BTNL2: variants seen among roughly 807,000 people sequenced by gnomAD.
BTNL2 encodes the protein butyrophilin like 2.
BTNL2 carries 46 observed loss-of-function variants against 46.8 expected under a neutral mutation model. The observed-to-expected ratio is 0.98, with a 90% CI of 0.78 to 1.26. The LOEUF (loss-of-function observed/expected upper bound fraction) is 1.26, where lower values mean the gene tolerates loss of function less well. BTNL2 is among the 50% of genes most tolerant of loss of function. BTNL2 has a pLI of 0.00. For synonymous variants in BTNL2, 226 were observed against 229.1 expected, an observed-to-expected ratio of 0.99 and a Z score of 0.12; for missense variants, 461 against 592.6, an observed-to-expected ratio of 0.78 and a Z score of 2.31.
intron 1 of BTNL2, 31 bp downstream of exon 1, chr6:32,407,014 A>G: frequency 6.2e-7 from 1 of 1,600,858 alleles, no homozygotes; most frequent in East Asian, 2.2e-5. Context: ...GGGACATTAG[A>G]CTATACAGTA....
In BTNL2 at chr6:32,400,008, G is replaced by A. The variant is rs2294879; in HGVS notation, c.730+1777C>T. Among the ~76,000 whole-genome samples, 1,055 of 152,208 alleles carry A rather than the reference G, an allele frequency of 6.9e-3. 71 individuals carry two copies. The East Asian group carries it at 0.15, about 22-fold the overall frequency. ...CATGACTTAGGAACAACAGGACATG[G>A]GGTCGTATTGTGTGTGCTGGGTCTC... On this transcript the variant is annotated intron_variant, in intron 4 of 7. Coordinates refer to ENST00000454136, the MANE Select transcript of BTNL2 (RefSeq NM_001304561.2).
At chr6:32,397,923 GGA>G (rs1433115696) in intron 4 of BTNL2, among the ~76,000 whole-genome samples, 3 of 152,196 alleles carry the variant, frequency 2.0e-5, no homozygotes, top group African/African-American at 7.2e-5. Flanking sequence ...CCACATAGGT[GGA>G]GTTATAGACA....
chr6:32,400,685 G>A (rs3129956), intron 4 of BTNL2, among the ~76,000 whole-genome samples: 9,369 of 148,390 alleles, frequency 0.063, 482 homozygotes, highest in Non-Finnish European at 0.11. Context: ...CAAGGCCGGC[G>A]GATCATGAGG....
chr6:32,401,207 C>CAAAAAAAAAAAAAAAAAAAAAAAAAAAA (rs9279632), intron 4 of BTNL2, among the ~76,000 whole-genome samples: 2 of 38,918 alleles, frequency 5.1e-5, no homozygotes, highest in Non-Finnish European at 7.9e-5. Flanking sequence ...GACTCCGTCT[C>CAAAAAAAAAAAAAAAAAAAAAAAAAAAA]AAAAAAAAAA....
Position 32,394,203 on chromosome 6 carries a change from G to T in BTNL2, c.1361-146C>A. The T allele has an allele frequency of 8.4e-7, 1 of 1,184,880 alleles. No individual in the cohort carries two copies. The allele number at this position is 1,184,880 out of a possible 1,614,324, so 73.4% of individuals were successfully genotyped here. On this transcript the variant is annotated intron_variant, in intron 6 of 7. Coordinates refer to ENST00000454136, the MANE Select transcript of BTNL2 (RefSeq NM_001304561.2). The surrounding 1 kb of genome is among the most constrained non-coding windows in gnomAD (Gnocchi z 4.6). Reference sequence around the variant, plus strand: ...CAGTTGGCCTGCTCCTCCCTGCTCTGGAGATGCAGAGGAGAGAATGCAAGT... The same window carrying T: ...CAGTTGGCCTGCTCCTCCCTGCTCTTGAGATGCAGAGGAGAGAATGCAAGT...
At position 32,394,744 on chromosome 6, in the gene BTNL2, C is replaced by A. The variant is rs28362675; in HGVS notation, c.1360G>T (p.Glu454Ter). Residue 454 changes from glutamate to a stop codon, truncating the protein, a stop_gained and splice_region_variant, in exon 6 of 8, where the codon GAG becomes TAG. Coordinates refer to ENST00000454136, the MANE Select transcript of BTNL2 (RefSeq NM_001304561.2). LOFTEE classifies it low-confidence loss of function (END_TRUNC). The surrounding 1 kb of genome is among the most constrained non-coding windows in gnomAD (Gnocchi z 4.6). The stretch of plus-strand genomic sequence containing the variant: ...TGAAGGAACATAAGGAATCACCAAC[C>A]TGAGAGAGAAAAAGTTGCGATTTTC... ...EEKIATFSLSESRMTFLWKTL... is the reference protein window; with the variant it reads ...EEKIATFSLS 24,279 of 1,610,994 alleles carry A rather than the reference C, an allele frequency of 0.015. 1,121 individuals are homozygous for A. The East Asian group carries it at 0.16, about 10-fold the overall frequency.
chr6:32,396,308 G>T lies in BTNL2; in HGVS notation c.809C>A (p.Ser270Tyr). ...CATGCTCTGTGCATTCGCCTTGGGGGACAGGTAACAGGTTAGCTGTATATC... is the reference window on the plus strand; with the variant it reads ...CATGCTCTGTGCATTCGCCTTGGGGTACAGGTAACAGGTTAGCTGTATATC... ...GEDIQLTCYL[S>Y]PKANAQSMEV... The change falls in exon 5 of 8, where the codon TCC (serine) becomes TAC (tyrosine). Residue 270 changes from serine to tyrosine, a missense_variant. By Grantham distance (144) the Ser-to-Tyr change is moderately radical. Coordinates refer to ENST00000454136, the MANE Select transcript of BTNL2 (RefSeq NM_001304561.2). This position sits in a 1 kb window ranked among gnomAD's most constrained non-coding sequence, Gnocchi z 4.4. 2.5e-6 allele frequency: 4 copies of T among 1,612,878 alleles called. No individual in the cohort carries two copies. Among genetic ancestry groups the T allele is most frequent in the Non-Finnish European group, 3.4e-6 (4 of 1,179,842 alleles).
rs554112033 is a variant in BTNL2, at chr6:32,394,849, C to T, written c.1255G>A (p.Val419Met). 1.9e-5 allele frequency: 30 copies of T among 1,614,220 alleles called. 1 individual carries two copies. Among genetic ancestry groups the T allele is most frequent in the Admixed American group, 1.3e-4 (8 of 60,028 alleles). ...LTQGSHGLFH[V>M]QTLLRVTNIS... ...TTTGTGACCCTTAGCAATGTCTGCA[C>T]GTGGAACAGCCCGTGGCTGCCTTGA... Residue 419 changes from valine (V) to methionine (M), a missense_variant, in exon 6 of 8, where the codon GTG (valine) becomes ATG (methionine). By Grantham distance (21) the Val-to-Met change is conservative (BLOSUM62 1). Transcript: ENST00000454136. The surrounding 1 kb of genome is among the most constrained non-coding windows in gnomAD (Gnocchi z 4.6).
intron 3 of BTNL2, among the ~76,000 whole-genome samples, chr6:32,402,091 CAT>C (rs1344316111): frequency 5.2e-4 from 79 of 152,128 alleles, no homozygotes; most frequent in African/African-American, 1.8e-3. Context: ...ATGAAAATAA[CAT>C]ATGTTCCTTT....
At chr6:32,405,833 G>GT (rs917551191) in intron 1 of BTNL2, among the ~76,000 whole-genome samples, 14 of 117,844 alleles carry the variant, frequency 1.2e-4, no homozygotes, top group Non-Finnish European at 2.0e-4. Flanking sequence ...TTTTTTGTTT[G>GT]TTTTTTTCCC....
At chr6:32,395,338 A>C (rs1209316066) in intron 5 of BTNL2, among the ~76,000 whole-genome samples, 2 of 152,250 alleles carry the variant, frequency 1.3e-5, no homozygotes, top group Non-Finnish European at 2.9e-5. Context: ...GGACAGGATT[A>C]ACATACGGAG....
intron 4 of BTNL2, among the ~76,000 whole-genome samples, chr6:32,401,100 T>C (rs1264030110): frequency 7.6e-5 from 11 of 143,864 alleles, no homozygotes; most frequent in Admixed American, 6.9e-4. Context: ...CCCAGCTACT[T>C]GGGAGGCTGA....
chr6:32,396,094 G>T lies in BTNL2; in HGVS notation c.1023C>A (p.Cys341Ter), dbSNP rs1776429318. 1 of 1,612,834 alleles carries T rather than the reference G, an allele frequency of 6.2e-7. No individual in the cohort carries two copies. Among genetic ancestry groups the T allele is most frequent in the Non-Finnish European group, 8.5e-7 (1 of 1,179,994 alleles). ...GGTAGACATCATCTTTTTCAAAAAG[G>T]CAGCGGTACTGCCCGTCGTCCGAAG... ...ARPSDDGQYR[C>*]LFEKDDVYQE... is the part of the protein sequence containing the mutation. The change falls in exon 5 of 8, where the codon TGC becomes TGA. Residue 341 changes from cysteine (C) to a stop codon, truncating the protein, a stop_gained. Transcript: ENST00000454136. LOFTEE classifies it high-confidence loss of function. The surrounding 1 kb of genome is among the most constrained non-coding windows in gnomAD (Gnocchi z 4.4).
intron 5 of BTNL2, 149 bp from the exon 6 acceptor site, chr6:32,395,174 G>T: frequency 1.6e-6 from 1 of 637,502 alleles, no homozygotes; most frequent in Non-Finnish European, 2.5e-6. Flanking sequence ...GATGAGGCTG[G>T]CTGGAGCATT....
At position 32,403,089 on chromosome 6, in the gene BTNL2, C is replaced by G. The variant is rs754302847; in HGVS notation, c.555G>C (p.Leu185=). Residue 185 remains leucine, a synonymous_variant, in exon 3 of 8, where the codon CTG becomes CTC. Transcript: ENST00000454136. ...GGATGCGATGCTCAGACACGGCCAG[C>G]AGCTTCTCTCCCCGGATGTCTTCCC... ...VYWEDIRGEK[L]LAVSEHRIQD... The G allele has an allele frequency of 1.9e-6, 3 of 1,612,932 alleles. No individual in the cohort carries two copies. The South Asian group carries it at 3.3e-5, about 18-fold the overall frequency.
At chr6:32,406,660 A>G (rs73400896) in intron 1 of BTNL2, 10,110 of 155,098 alleles carry the variant, frequency 0.065, 411 homozygotes, top group African/African-American at 0.11. Flanking sequence ...TTAATTTATG[A>G]TAAGAAGCAG....
Position 32,395,005 on chromosome 6 carries a change from T to A in BTNL2, c.1099A>T (p.Ile367Phe). ...KVVSLGSSPLITVEGQEDGEM... is the reference protein window; with the variant it reads ...KVVSLGSSPLFTVEGQEDGEM... ...CCATCTTCTTGCCCCTCCACAGTGATCAGTGGGGAAGAACCCAGACCTGGG... is the reference window on the plus strand; with the variant it reads ...CCATCTTCTTGCCCCTCCACAGTGAACAGTGGGGAAGAACCCAGACCTGGG... The change falls in exon 6 of 8, where the codon ATC (isoleucine) becomes TTC (phenylalanine). Residue 367 changes from isoleucine (I) to phenylalanine (F), a missense_variant. Coordinates refer to ENST00000454136, the MANE Select transcript of BTNL2 (RefSeq NM_001304561.2). 6.3e-7 allele frequency: 1 copy of A among 1,598,072 alleles called. No homozygotes were observed. Among genetic ancestry groups the A allele is most frequent in the Non-Finnish European group, 8.5e-7 (1 of 1,169,864 alleles).
Position 32,394,700 on chromosome 6 carries a change from C to T in BTNL2, c.1360+44G>A. ...CAATGAGTAAGTCTGAGTTGGTCTT[C>T]ATATTTATTTTCCAAACCTGAAGGA... On this transcript the variant is annotated intron_variant, in intron 6 of 7. Transcript: ENST00000454136. The surrounding 1 kb of genome is among the most constrained non-coding windows in gnomAD (Gnocchi z 4.6). 1 of 1,572,404 alleles carries T rather than the reference C, an allele frequency of 6.4e-7. No individual in the cohort carries two copies. Among genetic ancestry groups the T allele is most frequent in the Non-Finnish European group, 8.7e-7 (1 of 1,154,924 alleles).
Position 32,405,086 on chromosome 6 carries a change from A to T in BTNL2, c.280T>A (p.Trp94Arg), listed in dbSNP as rs28362682. Reference protein sequence around the residue: ...TEMQMEEYRGWVEWIENGIAK... With the variant: ...TEMQMEEYRGRVEWIENGIAK... Reference sequence around the variant, plus strand: ...ATGCCATTCTCTATCCACTCTACCCAGCCTCTGTACTCCTCCATCTGCATC... The same window carrying T: ...ATGCCATTCTCTATCCACTCTACCCTGCCTCTGTACTCCTCCATCTGCATC... The change falls in exon 2 of 8, where the codon TGG (tryptophan) becomes AGG (arginine). Residue 94 changes from tryptophan to arginine, a missense_variant. Physicochemically the swap from Trp to Arg is moderately radical, Grantham distance 101. Transcript: ENST00000454136. The T allele has an allele frequency of 0.082, 132,388 of 1,612,784 alleles. 7,048 individuals carry two copies. Among genetic ancestry groups the T allele is most frequent in the East Asian group, 0.19 (8,553 of 44,860 alleles).
Sources: allele counts gnomAD v4.1 joint callset (sites outside exome capture counted in the v4.1 genomes callset), GRCh38; gene constraint gnomAD v4.1.1; non-coding constraint Gnocchi (gnomAD v3.1); transcripts MANE v1.5; gene names NCBI Gene and HGNC (gene_info 2026-07-23, HGNC 2026-07-21).